The following TMCO6 variants were observed in gnomAD, a reference collection of about 807,000 sequenced individuals.
TMCO6 encodes transmembrane and coiled-coil domains 6, also known as transmembrane and coiled-coil domain-containing protein 6.
In TMCO6, 47 loss-of-function variants were observed where a neutral mutation model predicts 61.8. The ratio of observed to expected loss-of-function variants is 0.76; its 90% CI spans 0.60 to 0.97. TMCO6 has a LOEUF of 0.97. TMCO6 is among the 50% of genes least tolerant of loss of function. The pLI is 0.00. For synonymous variants in TMCO6, 261 were observed against 254.2 expected, an observed-to-expected ratio of 1.03 and a Z score of -0.25; for missense variants, 557 against 601.6, an observed-to-expected ratio of 0.93 and a Z score of 0.78.
intron 7 of TMCO6, 135 bp downstream of exon 7, chr5:140,643,176 G>A (rs762286862): frequency 2.3e-5 from 30 of 1,296,332 alleles, no homozygotes; most frequent in Non-Finnish European, 3.1e-5. Context: ...TTGGAGCCCA[G>A]GAGACCCACA....
Position 140,643,037 on chromosome 5 carries a change from T to G in TMCO6, c.802T>G (p.Cys268Gly), listed in dbSNP as rs1400653884. Residue 268 changes from cysteine to glycine, a missense_variant, in exon 7 of 12, where the codon TGC becomes GGC. By Grantham distance (159) the Cys-to-Gly change is radical. Transcript: ENST00000394671. ...EFAWCLHYII[C>G]SQVSNPLLIG... ...TGCCTGGTGCCTTCATTACATCATC[T>G]GCAGGTAACAGGGCAATTGGGAAAG... is the stretch of plus-strand genomic sequence containing the variant. 1.2e-6 allele frequency: 2 copies of G among 1,614,230 alleles called. No individual in the cohort carries two copies. The highest frequency in any genetic ancestry group is 1.7e-6 in the Non-Finnish European group (2 of 1,180,040).
chr5:140,647,564 C>G, downstream of TMCO6: 19 of 1,611,112 alleles, frequency 1.2e-5, no homozygotes, highest in Non-Finnish European at 1.6e-5. Context: ...GACTCCTCGA[C>G]TTGCTGCGGC....
rs1756903230 is a variant in TMCO6, at chr5:140,639,820, G to A, written c.167G>A (p.Gly56Glu). The A allele has an allele frequency of 6.2e-7, 1 of 1,609,586 alleles. No homozygotes were observed. Among genetic ancestry groups the A allele is most frequent in the East Asian group, 2.2e-5 (1 of 44,730 alleles). ...GACGCCCCAGAGGAAGCTGGAGAGG[G>A]ATGTGTGGCTGCGATCCTCGGGGAA... is the stretch of plus-strand genomic sequence containing the variant. ...RNDAPEEAGE[G>E]CVAAILGETE... Residue 56 changes from glycine to glutamate, a missense_variant, in exon 2 of 12, where the codon GGA (glycine) becomes GAA (glutamate). By Grantham distance (98) the Gly-to-Glu change is moderately conservative. Transcript: ENST00000394671.
chr5:140,611,486 G>A, the TMCO6 span, among the ~76,000 whole-genome samples: 5 of 152,234 alleles, frequency 3.3e-5, no homozygotes, highest in South Asian at 2.1e-4. Context: ...TACTGTCTGC[G>A]CTTTGTGGCT....
downstream of TMCO6, chr5:140,647,034 C>T: frequency 1.9e-6 from 1 of 523,628 alleles, no homozygotes; most frequent in South Asian, 3.0e-5. Context: ...CTCCTGGTCC[C>T]TACGCAGGAT....
chr5:140,647,208 C>G (rs1757451491), downstream of TMCO6: 1 of 1,516,664 alleles, frequency 6.6e-7, no homozygotes, highest in Non-Finnish European at 8.8e-7. Flanking sequence ...TCTTCTCAAA[C>G]CCTTGTTCCC....
chr5:140,643,873 G>C lies in TMCO6; in HGVS notation c.1012G>C (p.Val338Leu). Reference protein sequence around the residue: ...GGQMQLRDERVVAALFILLQF... With the variant: ...GGQMQLRDERLVAALFILLQF... ...GCAAATGCAGCTCAGAGATGAGCGT[G>C]TTGTGGCAGCCTTATTTATCCTTCT... The change falls in exon 9 of 12, where the codon GTT becomes CTT. Residue 338 changes from valine to leucine, a missense_variant. Transcript: ENST00000394671. The C allele has an allele frequency of 6.2e-7, 1 of 1,614,236 alleles. No individual in the cohort carries two copies. The highest frequency in any genetic ancestry group is 1.1e-5 in the South Asian group (1 of 91,088).
chr5:140,642,862 G>C lies in TMCO6; in HGVS notation c.690-63G>C, dbSNP rs2149794663. On this transcript the variant is annotated intron_variant, in intron 6 of 11. Coordinates refer to ENST00000394671, the MANE Select transcript of TMCO6 (RefSeq NM_018502.5). ...TTGGACACTCTCCCACCTGCTATCA[G>C]GGTTTGGTAAGAACCACTGGCATCT... 6 of 1,613,026 alleles carry C rather than the reference G, an allele frequency of 3.7e-6. No homozygotes were observed. In the East Asian group the frequency reaches 1.3e-4, roughly 36 times the overall value.
At chr5:140,612,383 A>C in the TMCO6 span, among the ~76,000 whole-genome samples, 1 of 121,192 alleles carries the variant, frequency 8.3e-6, no homozygotes, top group Non-Finnish European at 1.6e-5. Context: ...TCTTTCACCC[A>C]GGCCGGAGTG....
rs1757043340 is a variant in TMCO6, at chr5:140,641,717, A to G, written c.251A>G (p.Glu84Gly). The G allele has an allele frequency of 1.2e-6, 2 of 1,614,160 alleles. No individual in the cohort carries two copies. Among genetic ancestry groups the G allele is most frequent in the Non-Finnish European group, 1.7e-6 (2 of 1,180,042 alleles). ...AQRGTEEKER[E>G]GALVSLRRGL... is the part of the protein sequence containing the mutation. ...CGGGGGACAGAGGAAAAGGAGAGAG[A>G]GGGGGCTCTGGTCAGCCTTCGTCGA... The change falls in exon 3 of 12, where the codon GAG becomes GGG. Residue 84 changes from glutamate to glycine, a missense_variant. Glu to Gly is a moderately conservative substitution (Grantham distance 98, BLOSUM62 -2). Coordinates refer to ENST00000394671, the MANE Select transcript of TMCO6 (RefSeq NM_018502.5).
chr5:140,645,528 T>C (rs1487767008), downstream of TMCO6: 6 of 1,602,528 alleles, frequency 3.7e-6, no homozygotes, highest in South Asian at 3.3e-5. Flanking sequence ...TTTCACATTA[T>C]ACTAAGTCCA....
chr5:140,609,424 TA>T, the TMCO6 span: 1 of 199,466 alleles, frequency 5.0e-6, no homozygotes, highest in Non-Finnish European at 1.1e-5. Flanking sequence ...CCTGTGAGCA[TA>T]ATAAAATCTT....
At chr5:140,597,560 A>G in the TMCO6 span, among the ~76,000 whole-genome samples, 1 of 152,166 alleles carries the variant, frequency 6.6e-6, no homozygotes, top group East Asian at 1.9e-4. Context: ...GATTTCCCTA[A>G]TTGGGTTATT....
the TMCO6 span, among the ~76,000 whole-genome samples, chr5:140,629,567 T>C: frequency 6.6e-6 from 1 of 152,154 alleles, no homozygotes; most frequent in African/African-American, 2.4e-5. Context: ...CAAATCTATC[T>C]CATTATATAT....
chr5:140,630,895 T>C, the TMCO6 span, among the ~76,000 whole-genome samples: 1 of 152,174 alleles, frequency 6.6e-6, no homozygotes, highest in Non-Finnish European at 1.5e-5. Flanking sequence ...GAGGCAGGCA[T>C]CTAGCTCTCT....
chr5:140,634,452 A>G (rs77590806), upstream of TMCO6, among the ~76,000 whole-genome samples: 413 of 151,740 alleles, frequency 2.7e-3, no homozygotes, highest in Admixed American at 4.5e-3. Context: ...CCACATCCCT[A>G]GACCTCTGGG....
chr5:140,632,201 C>T, the TMCO6 span: 62 of 1,613,470 alleles, frequency 3.8e-5, no homozygotes, highest in Non-Finnish European at 5.0e-5. The surrounding 1 kb of genome is among the most constrained non-coding windows in gnomAD (Gnocchi z 6.2). Context: ...CGGTGGCGCG[C>T]AGCGAGTTGT....
At chr5:140,599,113 C>A in the TMCO6 span, among the ~76,000 whole-genome samples, 1 of 152,146 alleles carries the variant, frequency 6.6e-6, no homozygotes, top group Non-Finnish European at 1.5e-5. Context: ...TGCTGGCAGA[C>A]AAAACAGTTC....
At chr5:140,623,967 C>T in the TMCO6 span, among the ~76,000 whole-genome samples, 1 of 152,266 alleles carries the variant, frequency 6.6e-6, no homozygotes, top group East Asian at 1.9e-4. Context: ...CATTTCCCCC[C>T]ACTTCTACTA....
Sources: allele counts gnomAD v4.1 joint callset (sites outside exome capture counted in the v4.1 genomes callset), GRCh38; gene constraint gnomAD v4.1.1; non-coding constraint Gnocchi (gnomAD v3.1); transcripts MANE v1.5; gene names NCBI Gene and HGNC (gene_info 2026-07-23, HGNC 2026-07-21).